The following OR6J1 variants were observed in gnomAD, a reference collection of about 807,000 sequenced individuals.
OR6J1 encodes olfactory receptor 6J1.
For synonymous variants in OR6J1, 109 were observed against 70.0 expected (o/e 1.56, Z -2.78); for missense variants, 304 against 166.8 (o/e 1.82, Z -4.53).
intron 1 of OR6J1, among the ~76,000 whole-genome samples, chr14:22,642,293 T>A (rs1226251693): frequency 7.1e-6 from 1 of 140,352 alleles, no homozygotes; most frequent in East Asian, 2.0e-4. Context: ...TGTGTGTCCA[T>A]CACCACAATC....
Position 22,634,807 on chromosome 14 carries a change from C to T in OR6J1, c.5G>A (p.Gly2Asp). 1.5e-6 allele frequency: 1 copy of T among 684,306 alleles called. No individual in the cohort carries two copies. The highest frequency in any genetic ancestry group is 2.7e-6 in the Non-Finnish European group (1 of 375,556). The allele number at this position is 684,306 out of a possible 1,614,324, so 42.4% of individuals were successfully genotyped here. A position where few individuals can be genotyped will look rare whatever the true frequency, so the allele number is the denominator to read the frequency against. ...CTCAGTCACCGCTGCAGTCCAGTTACCCATGGGCCTGGTGGGCCTGGCTCA... is the reference window on the plus strand; with the variant it reads ...CTCAGTCACCGCTGCAGTCCAGTTATCCATGGGCCTGGTGGGCCTGGCTCA... M[G>D]NWTAAVTEFV... The change falls in exon 2 of 2, where the codon GGT becomes GAT. Residue 2 changes from glycine to aspartate, a missense_variant. Physicochemically the swap from Gly to Asp is moderately conservative, Grantham distance 94. Transcript: ENST00000540461.
chr14:22,633,323 C>T lies in OR6J1; in HGVS notation c.*445G>A, dbSNP rs528449708. On this transcript the variant is annotated 3_prime_UTR_variant, in exon 2 of 2. Transcript: ENST00000540461. ...CACCCAACACAATCATTGCAAATGC[C>T]CGAAAAAAAAATGGATATGATAGTG... 3.5e-5 allele frequency: 5 copies of T among 141,170 alleles called. No homozygotes were observed. The South Asian group carries it at 9.9e-4, about 28-fold the overall frequency. The allele number at this position is 141,170 out of a possible 1,614,324, so 8.7% of individuals were successfully genotyped here.
At position 22,631,977 on chromosome 14, in the gene OR6J1, A is replaced by G. The variant is rs1057366623; in HGVS notation, c.*1791T>C. ...ACTCCCCTGATATAGCTAGCTCTGAATAAGTGGCATCTGTGCTCATTTAAG... is the reference window on the plus strand; with the variant it reads ...ACTCCCCTGATATAGCTAGCTCTGAGTAAGTGGCATCTGTGCTCATTTAAG... On this transcript the variant is annotated 3_prime_UTR_variant, in exon 2 of 2. Coordinates refer to ENST00000540461, the MANE Select transcript of OR6J1 (RefSeq NM_001348233.2). The G allele has an allele frequency of 6.6e-6, 1 of 152,312 alleles. No homozygotes were observed. Among genetic ancestry groups the G allele is most frequent in the African/African-American group, 2.4e-5 (1 of 41,460 alleles). The allele number at this position is 152,312 out of a possible 1,614,324, so 9.4% of individuals were successfully genotyped here.
chr14:22,636,773 C>A (rs1245130173), intron 1 of OR6J1, among the ~76,000 whole-genome samples: 6 of 118,100 alleles, frequency 5.1e-5, no homozygotes, highest in Non-Finnish European at 8.3e-5. Context: ...ACAGCCTCCA[C>A]CTCCCAGCCG....
chr14:22,643,463 T>TTTTTGTA (rs1038046631), intron 1 of OR6J1, among the ~76,000 whole-genome samples: 3 of 150,150 alleles, frequency 2.0e-5, no homozygotes, highest in African/African-American at 7.4e-5. Flanking sequence ...GCCCGGCCAA[T>TTTTTGTA]TTTTGTATTT....
rs1392639395 is a variant in OR6J1 at position 22,638,668 on chromosome 14, A to T, written c.-27-3830T>A. On this transcript the variant is annotated intron_variant, in intron 1 of 1. Coordinates refer to ENST00000540461, the MANE Select transcript of OR6J1 (RefSeq NM_001348233.2). ...GATCAATAAAAAAAATAAAAATAAA[A>T]AAAAAATAAAAAAAATTAAGACACT... Among the ~76,000 whole-genome samples the T allele has an allele frequency of 3.2e-3, 377 of 116,076 alleles. 105 individuals carry two copies. Among genetic ancestry groups the T allele is most frequent in the African/African-American group, 0.011 (347 of 32,324 alleles). The allele number at this position is 116,076 out of a possible 152,430, so 76.2% of individuals were successfully genotyped here.
intron 1 of OR6J1, among the ~76,000 whole-genome samples, chr14:22,636,243 T>G (rs1267745282): frequency 0.12 from 6 of 50 alleles, no homozygotes; most frequent in South Asian, 0.5. Context: ...CCTCTCCCTC[T>G]CCCTCTCCCT....
intron 1 of OR6J1, among the ~76,000 whole-genome samples, chr14:22,636,969 G>C: frequency 7.9e-6 from 1 of 125,814 alleles, no homozygotes; most frequent in Non-Finnish European, 1.6e-5. Flanking sequence ...AGGAAGCGAG[G>C]AGCGCCTCTT....
At chr14:22,644,050 G>C (rs1445909581) in intron 1 of OR6J1, 48 bp downstream of exon 1, 1 of 152,354 alleles carries the variant, frequency 6.6e-6, no homozygotes, top group Non-Finnish European at 1.5e-5. Context: ...AACAGGAACA[G>C]CTGCTCCCAG....
At chr14:22,639,250 C>T (rs1293244008) in intron 1 of OR6J1, among the ~76,000 whole-genome samples, 4 of 126,500 alleles carry the variant, frequency 3.2e-5, no homozygotes, top group Admixed American at 7.1e-5. Flanking sequence ...GTCAGCCCCC[C>T]GCCAGGCCAG....
rs2037544545 is a variant in OR6J1, at chr14:22,631,348, CA to C, written c.*2419del. On this transcript the variant is annotated 3_prime_UTR_variant, in exon 2 of 2. Coordinates refer to ENST00000540461, the MANE Select transcript of OR6J1 (RefSeq NM_001348233.2). ...ACAGACCATAAAAGACGGGCACGCC[CA>C]GGGGGGCCGTCTATAGGACTACACT... 3 of 152,158 alleles carry C rather than the reference CA, an allele frequency of 2.0e-5. No individual in the cohort carries two copies. Among genetic ancestry groups the C allele is most frequent in the Admixed American group, 6.5e-5 (1 of 15,282 alleles). The allele number at this position is 152,158 out of a possible 1,614,324, so 9.4% of individuals were successfully genotyped here.
chr14:22,639,383 G>T (rs2037624795), intron 1 of OR6J1, among the ~76,000 whole-genome samples: 1 of 128,186 alleles, frequency 7.8e-6, no homozygotes, highest in South Asian at 2.4e-4. Flanking sequence ...CCCCCGCCCG[G>T]CCAGCCGCCC....
Position 22,641,210 on chromosome 14 carries a change from T to A in OR6J1, c.-28+2888A>T, listed in dbSNP as rs571791990. 5.5e-4 allele frequency among the ~76,000 whole-genome samples: 67 copies of A among 122,478 alleles called. 6 individuals are homozygous for A. The highest frequency in any genetic ancestry group is 8.7e-4 in the Non-Finnish European group (51 of 58,618). 80.4% of individuals were successfully genotyped at this position (122,478 alleles called of 152,430 possible). Reference sequence around the variant, plus strand: ...AGAGAGACAGAGAGGGAGAGAAAGATAAGAAAGAAAGAAAGAAAGAAAGAA... The same window carrying A: ...AGAGAGACAGAGAGGGAGAGAAAGAAAAGAAAGAAAGAAAGAAAGAAAGAA... On this transcript the variant is annotated intron_variant, in intron 1 of 1. Coordinates refer to ENST00000540461, the MANE Select transcript of OR6J1 (RefSeq NM_001348233.2).
chr14:22,637,507 C>T (rs1156322342), intron 1 of OR6J1, among the ~76,000 whole-genome samples: 2 of 28,556 alleles, frequency 7.0e-5, no homozygotes, highest in Non-Finnish European at 1.4e-4. Flanking sequence ...CCCCTCTGCC[C>T]GGCCAGCCGC....
intron 1 of OR6J1, among the ~76,000 whole-genome samples, chr14:22,636,053 T>C (rs1439295372): frequency 6.6e-6 from 1 of 152,052 alleles, no homozygotes; most frequent in Non-Finnish European, 1.5e-5. Flanking sequence ...CAAACTTTAG[T>C]ACTCATGTAA....
Position 22,631,743 on chromosome 14 carries a change from A to C in OR6J1, c.*2025T>G, listed in dbSNP as rs748736493. 1 of 153,692 alleles carries C rather than the reference A, an allele frequency of 6.5e-6. No individual in the cohort carries two copies. The highest frequency in any genetic ancestry group is 1.5e-5 in the Non-Finnish European group (1 of 68,774). 9.5% of individuals were successfully genotyped at this position (153,692 alleles called of 1,614,324 possible). On this transcript the variant is annotated 3_prime_UTR_variant, in exon 2 of 2. Coordinates refer to ENST00000540461, the MANE Select transcript of OR6J1 (RefSeq NM_001348233.2). ...AGTGATAAGTGTCCATGAAATCTTC[A>C]CTATCCACATTCTTCTGCCATGGCT...
At chr14:22,636,831 G>A (rs1374696307) in intron 1 of OR6J1, among the ~76,000 whole-genome samples, 8 of 117,332 alleles carry the variant, frequency 6.8e-5, no homozygotes, top group Non-Finnish European at 1.0e-4. Flanking sequence ...CTGCCCAGCC[G>A]CCACCCCGTC....
At position 22,631,355 on chromosome 14, in the gene OR6J1, G is replaced by T. The variant is rs1476514288; in HGVS notation, c.*2413C>A. 1.3e-5 allele frequency: 2 copies of T among 152,300 alleles called. No individual in the cohort carries two copies. Among genetic ancestry groups the T allele is most frequent in the African/African-American group, 2.4e-5 (1 of 41,556 alleles). The allele number at this position is 152,300 out of a possible 1,614,324, so 9.4% of individuals were successfully genotyped here. A position where few individuals can be genotyped will look rare whatever the true frequency, so the allele number is the denominator to read the frequency against. On this transcript the variant is annotated 3_prime_UTR_variant, in exon 2 of 2. Transcript: ENST00000540461. The stretch of plus-strand genomic sequence containing the variant: ...ATAAAAGACGGGCACGCCCAGGGGG[G>T]CCGTCTATAGGACTACACTCCCAGG...
rs572042622 is a variant in OR6J1 at position 22,640,706 on chromosome 14, C to G, written c.-28+3392G>C. ...GCGGTTTTGCCATTACTTTTCGTAG[C>G]TATGGGATCTCACTATGTTGCCCAG... On this transcript the variant is annotated intron_variant, in intron 1 of 1. Coordinates refer to ENST00000540461, the MANE Select transcript of OR6J1 (RefSeq NM_001348233.2). 1.5e-4 allele frequency among the ~76,000 whole-genome samples: 22 copies of G among 151,230 alleles called. 1 individual carries two copies. In the South Asian group the frequency reaches 4.6e-3, roughly 32 times the overall value.
Sources: allele counts gnomAD v4.1 joint callset (sites outside exome capture counted in the v4.1 genomes callset), GRCh38; gene constraint gnomAD v4.1.1; transcripts MANE v1.5; gene names NCBI Gene and HGNC (gene_info 2026-07-23, HGNC 2026-07-21).